The following CDH18 variants were observed in gnomAD, a reference collection of about 807,000 sequenced individuals.
The protein encoded by CDH18 is cadherin 18, also known as cadherin-18.
A neutral mutation model predicts 67.9 loss-of-function variants in CDH18; 31 were observed. The observed-to-expected ratio is 0.46, with a 90% CI of 0.34 to 0.62. The LOEUF (loss-of-function observed/expected upper bound fraction) is 0.62, where lower values mean the gene tolerates loss of function less well. Among genes scored for constraint, CDH18 ranks in the 20% least tolerant of loss-of-function variants. The pLI is 0.01. For missense variants in CDH18, 890 were observed against 975.5 expected (o/e 0.91, Z 1.17); for synonymous variants, 362 against 347.2 (o/e 1.04, Z -0.48).
chr5:20,529,208 C>A (rs1756250717), intron 1 of CDH18, among the ~76,000 whole-genome samples: 1 of 151,642 alleles, frequency 6.6e-6, no homozygotes. Context: ...AAGTTTAATC[C>A]CTGAATAGAC....
At chr5:19,758,813 C>G (rs764517452) in intron 3 of CDH18, among the ~76,000 whole-genome samples, 34 of 152,222 alleles carry the variant, frequency 2.2e-4, no homozygotes, top group Non-Finnish European at 4.4e-4. Context: ...TCCCCATCCT[C>G]TGGCACGCAA....
intron 1 of CDH18, among the ~76,000 whole-genome samples, chr5:20,570,201 T>A (rs1447052453): frequency 6.6e-6 from 1 of 152,230 alleles, no homozygotes; most frequent in Non-Finnish European, 1.5e-5. Context: ...GGTGAATCAA[T>A]AATGGTTCTT....
chr5:20,131,208 T>G (rs1391310320), intron 2 of CDH18, among the ~76,000 whole-genome samples: 1 of 151,962 alleles, frequency 6.6e-6, no homozygotes, highest in African/African-American at 2.4e-5. Flanking sequence ...TGAGAGTTTG[T>G]AAAAAACAAA....
chr5:20,231,793 T>A (rs2126504456), intron 2 of CDH18, among the ~76,000 whole-genome samples: 1 of 152,188 alleles, frequency 6.6e-6, no homozygotes, highest in South Asian at 2.1e-4. Flanking sequence ...TGATAATAAA[T>A]AAAATCACTT....
intron 1 of CDH18, among the ~76,000 whole-genome samples, chr5:20,413,553 T>C (rs1229378205): frequency 6.6e-6 from 1 of 152,256 alleles, no homozygotes; most frequent in African/African-American, 2.4e-5. Flanking sequence ...TGCATTTCTC[T>C]GACGACCAGT....
intron 1 of CDH18, among the ~76,000 whole-genome samples, chr5:19,986,324 GC>G (rs1281749725): frequency 1.3e-5 from 2 of 152,168 alleles, no homozygotes; most frequent in African/African-American, 4.8e-5. Context: ...TACAGTTACA[GC>G]TAGAGTTTCC....
rs752816495 is a variant in CDH18 at position 20,362,147 on chromosome 5, A to G, written c.-579-106642T>C. Among the ~76,000 whole-genome samples the G allele has an allele frequency of 2.0e-5, 3 of 152,190 alleles. No homozygotes were observed. In the East Asian group the frequency reaches 5.8e-4, roughly 29 times the overall value. ...TCAGGCAGGAATCATAAACATTTAC[A>G]TTAATTCAACTTTCCTGTTTGGTCT... On this transcript the variant is annotated intron_variant, in intron 1 of 14. Coordinates refer to the CDH18 transcript ENST00000507958.
At chr5:19,612,286 G>C in intron 6 of CDH18, 148 bp downstream of exon 6, 1 of 672,726 alleles carries the variant, frequency 1.5e-6, no homozygotes, top group Non-Finnish European at 2.5e-6. Context: ...GTGATTTCAT[G>C]AGTCTTACAT....
intron 1 of CDH18, among the ~76,000 whole-genome samples, chr5:20,501,381 A>G (rs1222604989): frequency 6.8e-6 from 1 of 146,992 alleles, no homozygotes; most frequent in Non-Finnish European, 1.5e-5. Flanking sequence ...TTTATACTTC[A>G]CTGTTACCAA....
At chr5:20,474,105 T>C (rs1043234029) in intron 1 of CDH18, among the ~76,000 whole-genome samples, 1 of 152,182 alleles carries the variant, frequency 6.6e-6, no homozygotes, top group African/African-American at 2.4e-5. Flanking sequence ...TATATTTACC[T>C]TTGAGGTGTT....
At chr5:19,910,390 C>T (rs116483240) in intron 2 of CDH18, among the ~76,000 whole-genome samples, 225 of 152,216 alleles carry the variant, frequency 1.5e-3, no homozygotes, top group African/African-American at 4.8e-3. Flanking sequence ...CAGGGATCTA[C>T]GCTCCATTAA....
At chr5:19,815,980 A>G (rs1437507980) in intron 3 of CDH18, among the ~76,000 whole-genome samples, 1 of 151,940 alleles carries the variant, frequency 6.6e-6, no homozygotes, top group Non-Finnish European at 1.5e-5. Context: ...TCTTCAACAT[A>G]CGATTTATAT....
In CDH18 at chr5:20,354,381, T is replaced by G. The variant is rs143501500; in HGVS notation, c.-579-98876A>C. The stretch of plus-strand genomic sequence containing the variant: ...GAAAGCATGCTTTAATTATGTAACA[T>G]GACATTTTATGCTCTTACTTAATTC... On this transcript the variant is annotated intron_variant, in intron 1 of 14. Transcript: ENST00000507958. 8.7e-3 allele frequency among the ~76,000 whole-genome samples: 1,328 copies of G among 152,338 alleles called. 11 individuals carry two copies. The highest frequency in any genetic ancestry group is 0.02 in the Middle Eastern group (6 of 294).
At chr5:20,454,900 T>C (rs1428944054) in intron 1 of CDH18, among the ~76,000 whole-genome samples, 1 of 152,024 alleles carries the variant, frequency 6.6e-6, no homozygotes. Context: ...AGGGGTTATG[T>C]CCTCCCTCCT....
chr5:19,603,619 G>C (rs553707807), intron 6 of CDH18, among the ~76,000 whole-genome samples: 91 of 151,640 alleles, frequency 6.0e-4, no homozygotes, highest in African/African-American at 2.1e-3. Context: ...CACAACAAAT[G>C]CTGGGAATTT....
intron 2 of CDH18, among the ~76,000 whole-genome samples, chr5:20,212,326 G>A (rs1740417802): frequency 6.6e-6 from 1 of 152,094 alleles, no homozygotes; most frequent in African/African-American, 2.4e-5. Flanking sequence ...AAGTGATGGG[G>A]AGAATGGAAC....
Position 20,140,754 on chromosome 5 carries a change from C to T in CDH18, c.-518+114690G>A, listed in dbSNP as rs115698613. On this transcript the variant is annotated intron_variant, in intron 2 of 14. Transcript: ENST00000507958. ...TTTTATTGTAAGGATGGAACTGATG[C>T]GTTTTGGCCTCTTTCCATCTCAGAG... Among the ~76,000 whole-genome samples, 305 of 152,114 alleles carry T rather than the reference C, an allele frequency of 2.0e-3. 1 individual carries two copies. The highest frequency in any genetic ancestry group is 6.8e-3 in the African/African-American group (281 of 41,530).
intron 2 of CDH18, among the ~76,000 whole-genome samples, chr5:20,208,788 C>T (rs1373482861): frequency 1.3e-5 from 2 of 151,820 alleles, no homozygotes; most frequent in Non-Finnish European, 2.9e-5. Context: ...AGAGACAACT[C>T]AGAAAATGGG....
intron 2 of CDH18, among the ~76,000 whole-genome samples, chr5:20,070,474 AC>A (rs1171758970): frequency 1.3e-5 from 2 of 152,134 alleles, no homozygotes; most frequent in African/African-American, 4.8e-5. Context: ...CCAACTGGTA[AC>A]TGCAGATGGA....
Sources: gnomAD v4.1 joint callset for allele counts (sites outside exome capture counted in the v4.1 genomes callset) on GRCh38, gnomAD v4.1.1 for gene constraint, MANE v1.5 for transcripts, NCBI Gene and HGNC (gene_info 2026-07-23, HGNC 2026-07-21) for gene names.